Variants in TMEM135 observed in about 807,000 individuals in gnomAD.
TMEM135 encodes transmembrane protein 135.
Under a neutral mutation model 60.3 loss-of-function variants are expected in TMEM135, and 30 were observed. The ratio of observed to expected loss-of-function variants is 0.50; its 90% CI spans 0.37 to 0.68. TMEM135 has a LOEUF of 0.68. TMEM135 is among the 30% of genes least tolerant of loss of function. The pLI, the probability that TMEM135 is intolerant of heterozygous loss-of-function variation, is 0.00. For missense variants in TMEM135, 468 were observed against 548.8 expected (o/e 0.85, Z 1.47); for synonymous variants, 190 against 186.7 (o/e 1.02, Z -0.14).
chr11:87,045,035 T>G (rs1314867073), intron 1 of TMEM135, among the ~76,000 whole-genome samples: 1 of 151,772 alleles, frequency 6.6e-6, no homozygotes, highest in East Asian at 1.9e-4. Flanking sequence ...GGTGTTTTTA[T>G]TTTTATTTTT....
At chr11:87,065,213 C>G (rs1856626809) in intron 1 of TMEM135, among the ~76,000 whole-genome samples, 1 of 152,164 alleles carries the variant, frequency 6.6e-6, no homozygotes, top group Non-Finnish European at 1.5e-5. Flanking sequence ...TACCCCAGGA[C>G]TACAATTGCT....
At chr11:87,060,111 T>C (rs963043818) in intron 1 of TMEM135, among the ~76,000 whole-genome samples, 1 of 150,646 alleles carries the variant, frequency 6.6e-6, no homozygotes, top group East Asian at 1.9e-4. Context: ...TGACTCTGAA[T>C]AAAAAAAAAG....
At chr11:87,159,001 G>A (rs1388560984) in intron 5 of TMEM135, among the ~76,000 whole-genome samples, 1 of 152,082 alleles carries the variant, frequency 6.6e-6, no homozygotes, top group East Asian at 1.9e-4. Context: ...TTCTTTTATA[G>A]GATGGTTAGG....
intron 5 of TMEM135, among the ~76,000 whole-genome samples, chr11:87,192,883 G>C (rs956136781): frequency 6.6e-6 from 1 of 152,184 alleles, no homozygotes; most frequent in Admixed American, 6.5e-5. Flanking sequence ...CAGTGGCAAA[G>C]GTGGGCAGAT....
chr11:87,074,402 A>G (rs1856830763), intron 3 of TMEM135, among the ~76,000 whole-genome samples: 2 of 152,152 alleles, frequency 1.3e-5, no homozygotes, highest in Admixed American at 6.5e-5. Context: ...TATTCTGGTG[A>G]TGGTAACTTC....
At chr11:87,265,498 T>A (rs2135405358) in intron 6 of TMEM135, among the ~76,000 whole-genome samples, 1 of 152,140 alleles carries the variant, frequency 6.6e-6, no homozygotes, top group Non-Finnish European at 1.5e-5. Flanking sequence ...TTTTCCTCTC[T>A]TCCTCCAAAT....
chr11:87,273,139 T>C (rs947485417), intron 6 of TMEM135, among the ~76,000 whole-genome samples: 1 of 152,204 alleles, frequency 6.6e-6, no homozygotes, highest in Non-Finnish European at 1.5e-5. Context: ...AGGGCTAGGA[T>C]ACTGTAGTAG....
In TMEM135 at chr11:87,223,667, G is replaced by GCACACA. The variant is rs113588295; in HGVS notation, c.463-12946_463-12941dup. Among the ~76,000 whole-genome samples, 72 of 118,464 alleles carry GCACACA rather than the reference G, an allele frequency of 6.1e-4. No individual in the cohort carries two copies. The Middle Eastern group carries it at 0.014, about 24-fold the overall frequency. The allele number at this position is 118,464 out of a possible 152,430, so 77.7% of individuals were successfully genotyped here. ...CTCTACTAAAAATACGCACATGCAC[G>GCACACA]CACACACACACACACACACACACAC... On this transcript the variant is annotated intron_variant, in intron 5 of 14. Transcript: ENST00000305494.
chr11:87,235,216 G>C (rs556470537), intron 5 of TMEM135, among the ~76,000 whole-genome samples: 75 of 151,794 alleles, frequency 4.9e-4, no homozygotes, highest in African/African-American at 1.7e-3. Context: ...CAGTGAAATG[G>C]TAAAATGAAC....
intron 5 of TMEM135, 164 bp downstream of exon 5, chr11:87,157,570 G>A (rs1591063459): frequency 3.4e-6 from 2 of 593,928 alleles, no homozygotes; most frequent in East Asian, 5.9e-5. Flanking sequence ...TTAATTCATA[G>A]TCATGTTGGA....
rs970492728 is a variant in TMEM135, at chr11:87,327,212, A to G, written c.*5879A>G. The G allele has an allele frequency of 6.6e-6, 3 of 453,954 alleles. No individual in the cohort carries two copies. The highest frequency in any genetic ancestry group is 4.0e-5 in the African/African-American group (2 of 49,990). 28.1% of individuals were successfully genotyped at this position (453,954 alleles called of 1,614,324 possible). On this transcript the variant is annotated 3_prime_UTR_variant, in exon 15 of 15. Coordinates refer to ENST00000305494, the MANE Select transcript of TMEM135 (RefSeq NM_022918.4). ...ATGGAAAATCTGGGAAACACTTGGG[A>G]AAAATCTTCCCTCTCTGCTTAAAGG... is the stretch of plus-strand genomic sequence containing the variant.
intron 6 of TMEM135, among the ~76,000 whole-genome samples, chr11:87,284,642 G>GAAA (rs1258340518): frequency 6.6e-6 from 1 of 152,174 alleles, no homozygotes; most frequent in Non-Finnish European, 1.5e-5. Flanking sequence ...TGAAATAAAT[G>GAAA]TACTGTGAAA....
At chr11:87,158,329 A>G (rs1216893912) in intron 5 of TMEM135, among the ~76,000 whole-genome samples, 1 of 152,228 alleles carries the variant, frequency 6.6e-6, no homozygotes, top group Non-Finnish European at 1.5e-5. Context: ...CTAAGGAGTT[A>G]AACAGAATTG....
intron 5 of TMEM135, among the ~76,000 whole-genome samples, chr11:87,200,392 G>A (rs1230203637): frequency 6.6e-6 from 1 of 152,144 alleles, no homozygotes; most frequent in Non-Finnish European, 1.5e-5. Flanking sequence ...AAGTATATAG[G>A]TAATTTTGTG....
chr11:87,056,258 A>C (rs920891820), intron 1 of TMEM135, among the ~76,000 whole-genome samples: 3 of 152,166 alleles, frequency 2.0e-5, no homozygotes, highest in Non-Finnish European at 4.4e-5. Flanking sequence ...AGAGGCTAGG[A>C]ATGCCTAATT....
chr11:87,047,918 T>C (rs1949813941), intron 1 of TMEM135, among the ~76,000 whole-genome samples: 1 of 107,352 alleles, frequency 9.3e-6, no homozygotes, highest in Admixed American at 9.5e-5. Flanking sequence ...TGTCCCTGTC[T>C]GACAGCTTTG....
intron 6 of TMEM135, among the ~76,000 whole-genome samples, chr11:87,237,092 T>G (rs532646626): frequency 2.0e-5 from 3 of 152,138 alleles, no homozygotes; most frequent in African/African-American, 7.2e-5. Context: ...TATCTAAGCC[T>G]TCTGCAAGGA....
intron 3 of TMEM135, among the ~76,000 whole-genome samples, chr11:87,081,858 T>G (rs1050590154): frequency 6.6e-6 from 1 of 152,204 alleles, no homozygotes; most frequent in African/African-American, 2.4e-5. Context: ...ATAAGAAATT[T>G]AAGTCTAGCT....
chr11:87,079,040 G>A (rs944557155), intron 3 of TMEM135, among the ~76,000 whole-genome samples: 10 of 151,226 alleles, frequency 6.6e-5, no homozygotes, highest in African/African-American at 2.2e-4. Context: ...GTCTTGCTCT[G>A]TCTCACACTC....
Sources: allele counts gnomAD v4.1 joint callset (sites outside exome capture counted in the v4.1 genomes callset), GRCh38; gene constraint gnomAD v4.1.1; transcripts MANE v1.5; gene names NCBI Gene and HGNC (gene_info 2026-07-23, HGNC 2026-07-21).